The following USP31 variants were observed in gnomAD, a reference collection of about 807,000 sequenced individuals.
USP31 encodes ubiquitin specific peptidase 31.
A neutral mutation model predicts 119.4 loss-of-function variants in USP31; 44 were observed. The ratio of observed to expected loss-of-function variants is 0.37; its 90% CI spans 0.29 to 0.47. The LOEUF (loss-of-function observed/expected upper bound fraction) is 0.47, where lower values mean the gene tolerates loss of function less well. Ranked by LOEUF, USP31 falls within the 20% of genes least tolerant of loss-of-function variation. The probability of loss-of-function intolerance (pLI) is 0.99; values close to 1 mark genes in which losing one functional copy is unlikely to be tolerated. For missense variants in USP31, 1,643 were observed against 1,730.2 expected (o/e 0.95, Z 0.89); for synonymous variants, 749 against 705.6 (o/e 1.06, Z -0.97).
chr16:23,148,234 C>G (rs949925529), intron 1 of USP31, among the ~76,000 whole-genome samples: 1 of 152,194 alleles, frequency 6.6e-6, no homozygotes, highest in African/African-American at 2.4e-5. Flanking sequence ...GATGAAGAAA[C>G]TGTAAGAACA....
At position 23,105,482 on chromosome 16, in the gene USP31, G is replaced by A. The variant is rs752686152; in HGVS notation, c.1048C>T (p.Arg350Trp). ...TTTGTTTCCATAGACACTGCTTCCC[G>A]AAGTCTGGCGACAGTCCCAGACAGA... ...VPLSGTVARLREAVSMETKIP... is the reference protein window; with the variant it reads ...VPLSGTVARLWEAVSMETKIP... The change falls in exon 5 of 16, where the codon CGG becomes TGG. Residue 350 changes from arginine (R) to tryptophan (W), a missense_variant. Physicochemically the swap from Arg to Trp is moderately radical, Grantham distance 101 (BLOSUM62 -3). This residue lies in a region of USP31 where 144 missense variants were observed against 218.0 expected (regional missense o/e 0.66). Transcript: ENST00000219689. 18 of 1,613,862 alleles carry A rather than the reference G, an allele frequency of 1.1e-5. No individual in the cohort carries two copies. The highest frequency in any genetic ancestry group is 2.7e-5 in the African/African-American group (2 of 74,864).
chr16:23,087,257 C>A, intron 8 of USP31, 71 bp from the exon 9 acceptor site: 1 of 1,347,198 alleles, frequency 7.4e-7, no homozygotes, highest in Non-Finnish European at 1.0e-6. Flanking sequence ...GTGGCATTTC[C>A]AAAACAGATT....
chr16:23,105,656 G>A (rs1246694532), intron 4 of USP31, 80 bp from the exon 5 acceptor site: 29 of 1,374,452 alleles, frequency 2.1e-5, no homozygotes, highest in Non-Finnish European at 1.6e-5. Flanking sequence ...AACCTGAGAC[G>A]AAATCAACAA....
At chr16:23,107,182 T>C (rs1163088012) in intron 2 of USP31, among the ~76,000 whole-genome samples, 1 of 152,160 alleles carries the variant, frequency 6.6e-6, no homozygotes, top group East Asian at 1.9e-4. Context: ...GTGCTCTGTA[T>C]GTTGGTGCCT....
At chr16:23,087,327 T>C in intron 8 of USP31, 141 bp from the exon 9 acceptor site, 1 of 704,080 alleles carries the variant, frequency 1.4e-6, no homozygotes, top group Non-Finnish European at 2.4e-6. Flanking sequence ...TATAAGGTTG[T>C]TGAGCCACTC....
At chr16:23,089,267 C>A (rs1031852374) in intron 7 of USP31, among the ~76,000 whole-genome samples, 1 of 152,130 alleles carries the variant, frequency 6.6e-6, no homozygotes, top group East Asian at 1.9e-4. Context: ...TCTTCAGGGA[C>A]GTCTTCCCTG....
In USP31 at chr16:23,149,123, A is replaced by AGGGCG. The variant is rs1903636971; in HGVS notation, c.147_148insCGCCC (p.Ser50ArgfsTer18). On this transcript the variant is annotated frameshift_variant, in exon 1 of 16. Transcript: ENST00000219689. LOFTEE classifies it high-confidence loss of function. ...GCAGAGGAGGGCGAGGAGGGCGAGGAAGGCGCGGCCGGCCCGGACGCCCCG... is the reference window on the plus strand; with the variant it reads ...GCAGAGGAGGGCGAGGAGGGCGAGGAGGGCGAGGCGCGGCCGGCCCGGACGCCCCG... 1 of 1,256,160 alleles carries AGGGCG rather than the reference A, an allele frequency of 8.0e-7. No homozygotes were observed. Among genetic ancestry groups the AGGGCG allele is most frequent in the African/African-American group, 1.6e-5 (1 of 63,162 alleles). The allele number at this position is 1,256,160 out of a possible 1,614,324, so 77.8% of individuals were successfully genotyped here. A position where few individuals can be genotyped will look rare whatever the true frequency, so the allele number is the denominator to read the frequency against.
At position 23,068,079 on chromosome 16, in the gene USP31, T is replaced by C. The variant is rs768437550; in HGVS notation, c.4026A>G (p.Gln1342=). The C allele has an allele frequency of 3.1e-6, 5 of 1,614,116 alleles. No homozygotes were observed. The highest frequency in any genetic ancestry group is 2.2e-5 in the South Asian group (2 of 91,062). Residue 1342 remains glutamine (Q), a synonymous_variant, in exon 16 of 16, where the codon CAA becomes CAG. Transcript: ENST00000219689. ...GTTTTTGAGAAGGCCGTGCAGAGGT[T>C]TGCATGCTAGAAGATAACTTTTTTG... ...KSSKKLSSSM[Q]TSARPSQKPQ is the part of the protein sequence containing the mutation.
chr16:23,096,681 T>G (rs570147842), intron 6 of USP31, among the ~76,000 whole-genome samples: 32 of 152,186 alleles, frequency 2.1e-4, no homozygotes, highest in Non-Finnish European at 4.4e-4. Flanking sequence ...AACTCAGGAT[T>G]AAGAAACTCA....
At chr16:23,094,491 C>A (rs529197909) in intron 6 of USP31, among the ~76,000 whole-genome samples, 2 of 152,276 alleles carry the variant, frequency 1.3e-5, no homozygotes, top group African/African-American at 4.8e-5. Context: ...TTGAAGAGAG[C>A]AGTGGTTCTC....
chr16:23,073,397 T>C lies in USP31; in HGVS notation c.2335+325A>G, dbSNP rs1055689794. On this transcript the variant is annotated intron_variant, in intron 14 of 15. Transcript: ENST00000219689. Reference sequence around the variant, plus strand: ...GCTATGTGGCCCAGATGGGACAGGCTCCAGGATAACCCCAGGACAGCGGGT... The same window carrying C: ...GCTATGTGGCCCAGATGGGACAGGCCCCAGGATAACCCCAGGACAGCGGGT... 2.6e-5 allele frequency among the ~76,000 whole-genome samples: 4 copies of C among 152,198 alleles called. No homozygotes were observed. The South Asian group carries it at 8.3e-4, about 32-fold the overall frequency.
In USP31 at chr16:23,065,954, A is replaced by G. The variant is rs537769754; in HGVS notation, c.*2092T>C. The G allele has an allele frequency of 1.3e-5, 2 of 152,200 alleles. No homozygotes were observed. Among genetic ancestry groups the G allele is most frequent in the Non-Finnish European group, 2.9e-5 (2 of 68,042 alleles). The allele number at this position is 152,200 out of a possible 1,614,324, so 9.4% of individuals were successfully genotyped here. On this transcript the variant is annotated 3_prime_UTR_variant, in exon 16 of 16. Transcript: ENST00000219689. ...AGACATTCAATTCCTGATATAGATG[A>G]TCTCTTATTTGGTGCATCTTTTTCA...
chr16:23,066,865 G>A lies in USP31; in HGVS notation c.*1181C>T, dbSNP rs1381300920. 6.6e-6 allele frequency: 1 copy of A among 152,116 alleles called. No individual in the cohort carries two copies. The highest frequency in any genetic ancestry group is 1.5e-5 in the Non-Finnish European group (1 of 68,024). 9.4% of individuals were successfully genotyped at this position (152,116 alleles called of 1,614,324 possible). On this transcript the variant is annotated 3_prime_UTR_variant, in exon 16 of 16. Coordinates refer to ENST00000219689, the MANE Select transcript of USP31 (RefSeq NM_020718.4). ...TTCTGGGCATGAGATGAAATCTTAA[G>A]AACAAAGAAGAAATAATAAATGAGT... is the stretch of plus-strand genomic sequence containing the variant.
At position 23,062,093 on chromosome 16, in the gene USP31, T is replaced by G. The variant is rs1335215831; in HGVS notation, c.*5953A>C. 2 of 152,644 alleles carry G rather than the reference T, an allele frequency of 1.3e-5. No individual in the cohort carries two copies. The highest frequency in any genetic ancestry group is 3.9e-4 in the East Asian group (2 of 5,192). The allele number at this position is 152,644 out of a possible 1,614,324, so 9.5% of individuals were successfully genotyped here. A position where few individuals can be genotyped will look rare whatever the true frequency, so the allele number is the denominator to read the frequency against. ...TCTGGATGGCCTTTCTAAAGAAACA[T>G]TTCCAACTTGCATGTCTACTTGTAT... On this transcript the variant is annotated 3_prime_UTR_variant, in exon 16 of 16. Coordinates refer to ENST00000219689, the MANE Select transcript of USP31 (RefSeq NM_020718.4).
At chr16:23,118,273 T>C (rs766995840) in intron 1 of USP31, among the ~76,000 whole-genome samples, 17 of 151,888 alleles carry the variant, frequency 1.1e-4, no homozygotes, top group Non-Finnish European at 2.2e-4. Flanking sequence ...AAAAATAGAA[T>C]AAAAAAAGAA....
At chr16:23,125,471 C>A (rs1210891515) in intron 1 of USP31, among the ~76,000 whole-genome samples, 1 of 152,198 alleles carries the variant, frequency 6.6e-6, no homozygotes, top group African/African-American at 2.4e-5. Context: ...GGGTAACTAA[C>A]CCCTTCCTCC....
chr16:23,141,303 A>G (rs1259873863), intron 1 of USP31, among the ~76,000 whole-genome samples: 1 of 151,906 alleles, frequency 6.6e-6, no homozygotes, highest in East Asian at 1.9e-4. Flanking sequence ...CGCCTTCTGC[A>G]TTTTATTCTT....
chr16:23,068,987 G>T lies in USP31; in HGVS notation c.3118C>A (p.Arg1040=). The change falls in exon 16 of 16, where the codon CGG becomes AGG. Residue 1040 remains arginine, a synonymous_variant. Transcript: ENST00000219689. ...CTTGCCAAGGCTGGTCTCCCCTTCCGCAAGCTTTTCTCTGGCTCAGAAGTG... is the reference window on the plus strand; with the variant it reads ...CTTGCCAAGGCTGGTCTCCCCTTCCTCAAGCTTTTCTCTGGCTCAGAAGTG... The part of the protein sequence containing the change: ...KGTSEPEKSL[R]KGRPALASQE... 1 of 1,614,052 alleles carries T rather than the reference G, an allele frequency of 6.2e-7. No individual in the cohort carries two copies. The highest frequency in any genetic ancestry group is 8.5e-7 in the Non-Finnish European group (1 of 1,180,022).
Position 23,148,845 on chromosome 16 carries a change from C to T in USP31, c.426G>A (p.Thr142=). 2 of 1,529,048 alleles carry T rather than the reference C, an allele frequency of 1.3e-6. No homozygotes were observed. Among genetic ancestry groups the T allele is most frequent in the South Asian group, 2.5e-5 (2 of 81,024 alleles). 94.7% of individuals were successfully genotyped at this position (1,529,048 alleles called of 1,614,324 possible). The change falls in exon 1 of 16, where the codon ACG becomes ACA. Residue 142 remains threonine, a synonymous_variant. Transcript: ENST00000219689. The part of the protein sequence containing the change: ...NHGNTCFMNA[T]LQCLSNTELF... ...GCTCGGTGTTGCTGAGGCACTGCAG[C>T]GTGGCGTTCATGAAGCACGTGTTGC...
Sources: gnomAD v4.1 joint callset for allele counts (sites outside exome capture counted in the v4.1 genomes callset) on GRCh38, gnomAD v4.1.1 for gene constraint, gnomAD v4.1.1 regional missense constraint, MANE v1.5 for transcripts, NCBI Gene and HGNC (gene_info 2026-07-23, HGNC 2026-07-21) for gene names.